Variants in ESRP1 observed in about 807,000 individuals in gnomAD.
ESRP1 encodes the protein epithelial splicing regulatory protein 1, also known as RNA-binding motif protein 35A.
In ESRP1, 33 loss-of-function variants were observed where a neutral mutation model predicts 81.7. The observed-to-expected ratio is 0.40, with a 90% CI of 0.31 to 0.54. The LOEUF is 0.54. ESRP1 is among the 20% of genes least tolerant of loss of function. ESRP1 has a pLI of 0.41. For synonymous variants in ESRP1, 320 were observed against 303.3 expected (o/e 1.06, Z -0.57); for missense variants, 672 against 833.1 (o/e 0.81, Z 2.38).
intron 10 of ESRP1, among the ~76,000 whole-genome samples, chr8:94,668,990 G>C (rs908547657): frequency 6.6e-6 from 1 of 151,982 alleles, no homozygotes; most frequent in Admixed American, 6.6e-5. Context: ...ATGGGGTTTC[G>C]CGGCAGGCTG....
chr8:94,652,678 T>C (rs1297480838), intron 4 of ESRP1, among the ~76,000 whole-genome samples: 1 of 152,206 alleles, frequency 6.6e-6, no homozygotes, highest in Non-Finnish European at 1.5e-5. Context: ...TTACTTATTC[T>C]CACTAATCAA....
intron 12 of ESRP1, among the ~76,000 whole-genome samples, chr8:94,675,496 T>C (rs1819545949): frequency 6.6e-6 from 1 of 152,248 alleles, no homozygotes; most frequent in South Asian, 2.1e-4. Flanking sequence ...TTCTAAATGC[T>C]AATATTCCAT....
In ESRP1 at chr8:94,707,110, A is replaced by G. The variant is rs114868159; in HGVS notation, c.*1221A>G. ...TGCATTGAATGTGGATATTTCTCTA[A>G]GTTACTCATATTGTCCTTTGCTTGA... On this transcript the variant is annotated 3_prime_UTR_variant, in exon 16 of 16. Coordinates refer to ENST00000433389, the MANE Select transcript of ESRP1 (RefSeq NM_017697.4). 6.6e-6 allele frequency: 1 copy of G among 152,222 alleles called. No individual in the cohort carries two copies. The highest frequency in any genetic ancestry group is 2.4e-5 in the African/African-American group (1 of 41,454). The allele number at this position is 152,222 out of a possible 1,614,324, so 9.4% of individuals were successfully genotyped here. A position where few individuals can be genotyped will look rare whatever the true frequency, so the allele number is the denominator to read the frequency against.
intron 4 of ESRP1, among the ~76,000 whole-genome samples, chr8:94,647,661 G>A (rs1392746791): frequency 6.6e-6 from 1 of 152,140 alleles, no homozygotes; most frequent in African/African-American, 2.4e-5. Flanking sequence ...TCTCCAGATA[G>A]TTACATTGGG....
intron 4 of ESRP1, among the ~76,000 whole-genome samples, chr8:94,652,483 T>C (rs1190897640): frequency 6.6e-6 from 1 of 151,866 alleles, no homozygotes; most frequent in Non-Finnish European, 1.5e-5. Context: ...TCTGTGGTTT[T>C]TTTTTTTGAA....
At chr8:94,681,325 C>CAAAAAAAAAAAA (rs1171703394) in intron 13 of ESRP1, among the ~76,000 whole-genome samples, 6 of 31,284 alleles carry the variant, frequency 1.9e-4, no homozygotes, top group African/African-American at 3.8e-4. Context: ...GACTCCATCT[C>CAAAAAAAAAAAA]AAAAAAAAAA....
intron 2 of ESRP1, 147 bp downstream of exon 2, chr8:94,642,231 C>T (rs894460916): frequency 7.4e-6 from 7 of 948,286 alleles, no homozygotes; most frequent in South Asian, 1.8e-5. Context: ...GCCTGAGGGC[C>T]GGGGCGCACC....
intron 13 of ESRP1, among the ~76,000 whole-genome samples, chr8:94,683,783 G>A (rs1809022161): frequency 6.6e-6 from 1 of 152,138 alleles, no homozygotes; most frequent in South Asian, 2.1e-4. Context: ...GTTTGGATTA[G>A]GTTTCTAAAT....
chr8:94,664,120 C>CTTTT lies in ESRP1; in HGVS notation c.645-559_645-556dup, dbSNP rs755384250. Among the ~76,000 whole-genome samples the CTTTT allele has an allele frequency of 9.3e-3, 919 of 98,500 alleles. 31 individuals are homozygous for CTTTT. The highest frequency in any genetic ancestry group is 0.039 in the Middle Eastern group (7 of 178). The allele number at this position is 98,500 out of a possible 152,430, so 64.6% of individuals were successfully genotyped here. A position where few individuals can be genotyped will look rare whatever the true frequency, so the allele number is the denominator to read the frequency against. On this transcript the variant is annotated intron_variant, in intron 6 of 15. Transcript: ENST00000433389. ...GGGTGCCAAGCAAACATTTCCTCAG[C>CTTTT]TTTTTTTTTTTTTTTTTTTTTGAGA...
At chr8:94,701,240 A>G (rs1247750197) in intron 15 of ESRP1, among the ~76,000 whole-genome samples, 1 of 149,088 alleles carries the variant, frequency 6.7e-6, no homozygotes. Flanking sequence ...ACGCCACTGC[A>G]CTCCAGCCTG....
rs753717844 is a variant in ESRP1, at chr8:94,696,852, TATGCAACCGAGG to T, written c.1976_1987del (p.Ala659_Asp662del). 6.3e-7 allele frequency: 1 copy of T among 1,577,420 alleles called. No homozygotes were observed. The highest frequency in any genetic ancestry group is 1.2e-5 in the South Asian group (1 of 84,590). ...TTGTTTGTTTTAACTTGCATTTTAGTATGCAACCGAGGATGGACTTATACACACAAATGACCA... is the reference window on the plus strand; with the variant it reads ...TTGTTTGTTTTAACTTGCATTTTAGTATGGACTTATACACACAAATGACCA... On this transcript the variant is annotated inframe_deletion and splice_region_variant, in exon 15 of 16. Transcript: ENST00000433389.
At chr8:94,644,728 C>T (rs186245765) in intron 3 of ESRP1, among the ~76,000 whole-genome samples, 1 of 152,176 alleles carries the variant, frequency 6.6e-6, no homozygotes, top group East Asian at 1.9e-4. Context: ...AGACTTTTTC[C>T]TCAGCCACAG....
chr8:94,660,730 A>AC, intron 4 of ESRP1, among the ~76,000 whole-genome samples: 1 of 134,078 alleles, frequency 7.5e-6, no homozygotes, highest in African/African-American at 2.5e-5. Flanking sequence ...AAAAAAAAAA[A>AC]AAAAAAAAAA....
chr8:94,682,478 C>T (rs771551468), intron 13 of ESRP1, among the ~76,000 whole-genome samples: 31 of 152,008 alleles, frequency 2.0e-4, no homozygotes, highest in African/African-American at 2.7e-4. Flanking sequence ...GCGATCCTCA[C>T]GCCTCAGTCT....
intron 13 of ESRP1, among the ~76,000 whole-genome samples, chr8:94,681,736 A>G (rs1171134951): frequency 4.6e-5 from 7 of 152,226 alleles, no homozygotes; most frequent in Non-Finnish European, 1.0e-4. Context: ...CAGGGGTTCA[A>G]GACCAGCCTG....
intron 3 of ESRP1, among the ~76,000 whole-genome samples, chr8:94,643,764 G>A (rs370496706): frequency 3.9e-5 from 6 of 151,952 alleles, no homozygotes; most frequent in East Asian, 1.9e-4. Flanking sequence ...TCCCTTTTCC[G>A]AAGCTAATAC....
At chr8:94,642,215 A>G in intron 2 of ESRP1, 131 bp downstream of exon 2, 1 of 1,164,786 alleles carries the variant, frequency 8.6e-7, no homozygotes, top group Non-Finnish European at 1.2e-6. Flanking sequence ...CGTGGGTGGG[A>G]GCCCAGCCTG....
At chr8:94,661,913 A>G (rs993421536) in intron 4 of ESRP1, among the ~76,000 whole-genome samples, 1 of 152,234 alleles carries the variant, frequency 6.6e-6, no homozygotes. Context: ...TGAAGTCGGC[A>G]TGGTCATTGC....
intron 4 of ESRP1, among the ~76,000 whole-genome samples, chr8:94,656,507 C>A (rs1818433256): frequency 6.6e-6 from 1 of 152,242 alleles, no homozygotes. Context: ...AGGCGTGAGC[C>A]ACCACGCCCG....
Sources: allele counts gnomAD v4.1 joint callset (sites outside exome capture counted in the v4.1 genomes callset), GRCh38; gene constraint gnomAD v4.1.1; transcripts MANE v1.5; gene names NCBI Gene and HGNC (gene_info 2026-07-23, HGNC 2026-07-21).